Variants in TRAPPC9 observed in about 807,000 individuals in gnomAD.
The protein encoded by TRAPPC9 is trafficking protein particle complex subunit 9, also known as IKK2 binding protein.
In TRAPPC9, 83 loss-of-function variants were observed where a neutral mutation model predicts 124.0. The observed-to-expected ratio is 0.67, with a 90% CI of 0.56 to 0.80. The LOEUF (loss-of-function observed/expected upper bound fraction) is 0.80. Among genes scored for constraint, TRAPPC9 ranks in the 30% least tolerant of loss-of-function variants. TRAPPC9 has a pLI of 0.00. For synonymous variants in TRAPPC9, 638 were observed against 617.5 expected, an observed-to-expected ratio of 1.03 and a Z score of -0.49; for missense variants, 1,302 against 1,508.3, an observed-to-expected ratio of 0.86 and a Z score of 2.27.
chr8:140,296,482 T>A (rs1365841364), intron 11 of TRAPPC9, among the ~76,000 whole-genome samples: 1 of 152,106 alleles, frequency 6.6e-6, no homozygotes, highest in African/African-American at 2.4e-5. Flanking sequence ...GCCAGGCTGG[T>A]CTCGAACTCC....
rs566201438 is a variant in TRAPPC9 at position 140,129,437 on chromosome 8, G to A, written c.2556+92022C>T. On this transcript the variant is annotated intron_variant, in intron 17 of 22. Coordinates refer to ENST00000438773, the MANE Select transcript of TRAPPC9 (RefSeq NM_001160372.4). Reference sequence around the variant, plus strand: ...CAGGCCATGTGAAGAGCCCAAGTAGGGAGAAGAAGCGATCCCAGGGAGGGG... The same window carrying A: ...CAGGCCATGTGAAGAGCCCAAGTAGAGAGAAGAAGCGATCCCAGGGAGGGG... Among the ~76,000 whole-genome samples the A allele has an allele frequency of 3.9e-5, 6 of 152,310 alleles. No homozygotes were observed. In the East Asian group the frequency reaches 1.2e-3, roughly 29 times the overall value.
At chr8:139,921,155 G>A (rs955120252) in intron 19 of TRAPPC9, among the ~76,000 whole-genome samples, 2 of 152,176 alleles carry the variant, frequency 1.3e-5, no homozygotes, top group Non-Finnish European at 2.9e-5. Flanking sequence ...GGAACCACTC[G>A]GCTGTAGTCT....
intron 21 of TRAPPC9, among the ~76,000 whole-genome samples, chr8:139,766,788 G>A (rs61110640): frequency 0.093 from 14,174 of 152,236 alleles, 726 homozygotes; most frequent in African/African-American, 0.13. Flanking sequence ...AGAGCTCCCC[G>A]CCTGGCTCCT....
chr8:139,824,507 T>C (rs1026824446), intron 21 of TRAPPC9, among the ~76,000 whole-genome samples: 2 of 152,168 alleles, frequency 1.3e-5, no homozygotes, highest in South Asian at 2.1e-4. Flanking sequence ...GGAACACCCG[T>C]TTTAAGGGAT....
At chr8:139,835,222 C>T (rs1471830903) in intron 21 of TRAPPC9, among the ~76,000 whole-genome samples, 1 of 152,242 alleles carries the variant, frequency 6.6e-6, no homozygotes, top group African/African-American at 2.4e-5. Flanking sequence ...AATCCTCCCC[C>T]ATCTGACCAG....
In TRAPPC9 at chr8:139,885,893, G is replaced by A. The variant is rs557782310; in HGVS notation, c.3041C>T (p.Ala1014Val). 17 of 1,565,548 alleles carry A rather than the reference G, an allele frequency of 1.1e-5. No homozygotes were observed. The highest frequency in any genetic ancestry group is 3.5e-5 in the South Asian group (3 of 84,924). Residue 1014 changes from alanine to valine, a missense_variant, in exon 21 of 23, where the codon GCG becomes GTG. This residue lies in a region of TRAPPC9 where 640 missense variants were observed against 679.3 expected (regional missense o/e 0.94). Coordinates refer to ENST00000438773, the MANE Select transcript of TRAPPC9 (RefSeq NM_001160372.4). ...NQLVLEHLQL[A>V]PLQWDVLVDG... ...CGGGTACTCACCCCACTGCAGAGGC[G>A]CCAGCTGCAGGTGCTCCAGGACGAG...
intron 15 of TRAPPC9, among the ~76,000 whole-genome samples, chr8:140,274,651 C>G (rs2065058681): frequency 6.6e-6 from 1 of 152,230 alleles, no homozygotes; most frequent in African/African-American, 2.4e-5. Flanking sequence ...TGACATAATT[C>G]TTTGCCTGCA....
chr8:140,135,565 C>T (rs2061288571), intron 17 of TRAPPC9, among the ~76,000 whole-genome samples: 2 of 152,256 alleles, frequency 1.3e-5, no homozygotes, highest in African/African-American at 4.8e-5. Context: ...ATTCCACATA[C>T]TGAATCATCT....
chr8:140,195,129 G>A (rs754269759), intron 17 of TRAPPC9, among the ~76,000 whole-genome samples: 29 of 151,242 alleles, frequency 1.9e-4, no homozygotes, highest in Non-Finnish European at 2.9e-4. Context: ...CACACTCAAC[G>A]ATCCACTGTA....
intron 15 of TRAPPC9, among the ~76,000 whole-genome samples, chr8:140,267,445 T>G (rs1462205400): frequency 2.0e-5 from 3 of 152,178 alleles, no homozygotes; most frequent in Non-Finnish European, 4.4e-5. Flanking sequence ...CGGGTAAGAG[T>G]GTCAATACTA....
At chr8:139,754,296 A>C (rs1299644885) in intron 21 of TRAPPC9, among the ~76,000 whole-genome samples, 1 of 152,196 alleles carries the variant, frequency 6.6e-6, no homozygotes, top group Non-Finnish European at 1.5e-5. Flanking sequence ...TCAGCTGCAC[A>C]ATTAACAGCA....
In TRAPPC9 at chr8:140,018,324, A is replaced by ATTTTTTCTT. The variant is rs765656679; in HGVS notation, c.2699+5612_2699+5613insAAGAAAAAA. Among the ~76,000 whole-genome samples, 17 of 119,764 alleles carry ATTTTTTCTT rather than the reference A, an allele frequency of 1.4e-4. 4 individuals carry two copies. The highest frequency in any genetic ancestry group is 3.9e-4 in the African/African-American group (12 of 30,654). The allele number at this position is 119,764 out of a possible 152,430, so 78.6% of individuals were successfully genotyped here. A position where few individuals can be genotyped will look rare whatever the true frequency, so the allele number is the denominator to read the frequency against. On this transcript the variant is annotated intron_variant, in intron 18 of 22. Coordinates refer to ENST00000438773, the MANE Select transcript of TRAPPC9 (RefSeq NM_001160372.4). ...TTGCTGGTATATAGAAACGTAAGTG[A>ATTTTTTCTT]TTTTTTTTTTTTTTTTTGAGACGGA...
At chr8:140,240,940 T>C (rs2063843186) in intron 16 of TRAPPC9, among the ~76,000 whole-genome samples, 2 of 152,216 alleles carry the variant, frequency 1.3e-5, no homozygotes. Flanking sequence ...AAGTTACTTC[T>C]GGAACTTCAG....
chr8:140,128,418 A>T (rs912564161), intron 17 of TRAPPC9, among the ~76,000 whole-genome samples: 6 of 152,250 alleles, frequency 3.9e-5, no homozygotes, highest in Non-Finnish European at 7.3e-5. Context: ...GCCAGAATGG[A>T]GGCTGCATAC....
chr8:140,160,160 G>T (rs913528028), intron 17 of TRAPPC9, among the ~76,000 whole-genome samples: 6 of 152,234 alleles, frequency 3.9e-5, no homozygotes, highest in Non-Finnish European at 7.3e-5. Flanking sequence ...ATGCTGGAGA[G>T]GATGTGGAGA....
chr8:140,431,421 C>T lies in TRAPPC9; in HGVS notation c.859+3691G>A, dbSNP rs147737881. Among the ~76,000 whole-genome samples, 9 of 151,776 alleles carry T rather than the reference C, an allele frequency of 5.9e-5. No homozygotes were observed. The East Asian group carries it at 1.6e-3, about 26-fold the overall frequency. ...GCAGTGAGCTACTGCACTCCGGCCT[C>T]GGCGACAGAGTGAGACTCTGTCTCA... On this transcript the variant is annotated intron_variant, in intron 4 of 22. Coordinates refer to ENST00000438773, the MANE Select transcript of TRAPPC9 (RefSeq NM_001160372.4).
chr8:140,424,158 T>G (rs59989530), intron 5 of TRAPPC9, among the ~76,000 whole-genome samples: 4,498 of 144,860 alleles, frequency 0.031, 213 homozygotes, highest in African/African-American at 0.12. Flanking sequence ...TTGTTTGTTT[T>G]TTTAAAAAAA....
chr8:140,138,548 T>C (rs904238299), intron 17 of TRAPPC9, among the ~76,000 whole-genome samples: 2 of 152,084 alleles, frequency 1.3e-5, no homozygotes, highest in Admixed American at 6.5e-5. Context: ...GGTCCCTCTA[T>C]GTGCTTGCTG....
intron 17 of TRAPPC9, among the ~76,000 whole-genome samples, chr8:140,061,243 C>T (rs1489462805): frequency 6.6e-6 from 1 of 152,168 alleles, no homozygotes; most frequent in African/African-American, 2.4e-5. Context: ...ATTCTCTTAG[C>T]ACCATGAAAG....
Sources: allele counts gnomAD v4.1 joint callset (sites outside exome capture counted in the v4.1 genomes callset), GRCh38; gene constraint gnomAD v4.1.1; regional missense constraint gnomAD v4.1.1; transcripts MANE v1.5; gene names NCBI Gene and HGNC (gene_info 2026-07-23, HGNC 2026-07-21).